Variants in C12orf54 observed in about 807,000 individuals in gnomAD.
C12orf54 encodes the protein chromosome 12 open reading frame 54.
C12orf54 carries 24 observed loss-of-function variants against 26.4 expected under a neutral mutation model. The observed-to-expected ratio is 0.91, with a 90% CI of 0.66 to 1.28. The LOEUF (loss-of-function observed/expected upper bound fraction) is 1.28. C12orf54 is among the 50% of genes most tolerant of loss of function. The pLI is 0.00. For synonymous variants in C12orf54, 54 were observed against 47.0 expected (o/e 1.15, Z -0.61); for missense variants, 154 against 150.9 (o/e 1.02, Z -0.11).
At chr12:48,477,424 C>T in the C12orf54 span, among the ~76,000 whole-genome samples, 2 of 152,072 alleles carry the variant, frequency 1.3e-5, no homozygotes, top group African/African-American at 4.8e-5. Flanking sequence ...AATAGAGACA[C>T]AAAAAACCCT....
chr12:48,454,936 G>A, the C12orf54 span, among the ~76,000 whole-genome samples: 1 of 152,090 alleles, frequency 6.6e-6, no homozygotes, highest in Non-Finnish European at 1.5e-5. Context: ...CAAATCATAG[G>A]GGCTTCCTTT....
At chr12:48,422,994 G>A in the C12orf54 span, among the ~76,000 whole-genome samples, 4 of 152,106 alleles carry the variant, frequency 2.6e-5, no homozygotes, top group African/African-American at 9.7e-5. Flanking sequence ...AGACAGCATT[G>A]CCAAACTATG....
chr12:48,477,509 TAAAG>T (rs1954155882), upstream of C12orf54, among the ~76,000 whole-genome samples: 1 of 151,850 alleles, frequency 6.6e-6, no homozygotes, highest in Non-Finnish European at 1.5e-5. Context: ...GCAAGACTAA[TAAAG>T]AAGAAAATAG....
intron 6 of C12orf54, among the ~76,000 whole-genome samples, chr12:48,492,013 G>A (rs1312211005): frequency 2.6e-5 from 4 of 152,136 alleles, no homozygotes; most frequent in African/African-American, 4.8e-5. Context: ...CAAAGAGAGA[G>A]CTTCCAAAGT....
chr12:48,425,140 G>T, the C12orf54 span, among the ~76,000 whole-genome samples: 3 of 151,872 alleles, frequency 2.0e-5, no homozygotes, highest in African/African-American at 7.3e-5. Context: ...TAGGTAAACT[G>T]GTGTCACAGG....
chr12:48,443,817 C>T, the C12orf54 span, among the ~76,000 whole-genome samples: 4 of 151,982 alleles, frequency 2.6e-5, no homozygotes, highest in African/African-American at 9.7e-5. Flanking sequence ...ACTGACTACA[C>T]CATTTTGGCC....
rs372646829 is a variant in C12orf54 at position 48,495,056 on chromosome 12, C to G, written c.*40+77C>G. 30 of 1,126,256 alleles carry G rather than the reference C, an allele frequency of 2.7e-5. No individual in the cohort carries two copies. The African/African-American group carries it at 3.7e-4, about 14-fold the overall frequency. 69.8% of individuals were successfully genotyped at this position (1,126,256 alleles called of 1,614,324 possible). On this transcript the variant is annotated intron_variant, in intron 8 of 8. Transcript: ENST00000548364. ...TAGTCAGGAACCCAGGCCTCTTAGG[C>G]CCTCATCCCAACATGGCAGGGCAGC...
At chr12:48,453,064 C>T in the C12orf54 span, among the ~76,000 whole-genome samples, 1 of 152,146 alleles carries the variant, frequency 6.6e-6, no homozygotes, top group East Asian at 1.9e-4. Flanking sequence ...GCACTATTCA[C>T]AATAGCAAAG....
chr12:48,485,847 C>T (rs530157355), intron 2 of C12orf54, among the ~76,000 whole-genome samples: 3 of 152,186 alleles, frequency 2.0e-5, no homozygotes, highest in South Asian at 2.1e-4. Flanking sequence ...ACAGGTTAGG[C>T]GGGGTGAAGG....
At chr12:48,451,203 C>A in the C12orf54 span, among the ~76,000 whole-genome samples, 1 of 151,764 alleles carries the variant, frequency 6.6e-6, no homozygotes, top group South Asian at 2.1e-4. Flanking sequence ...AAATGTGATT[C>A]ATCACATAAA....
intron 7 of C12orf54, 104 bp from the exon 8 acceptor site, chr12:48,494,694 G>T: frequency 2.4e-6 from 3 of 1,231,592 alleles, no homozygotes; most frequent in Non-Finnish European, 2.3e-6. Flanking sequence ...CATTCTTGGG[G>T]GAGTGTAATA....
chr12:48,486,714 C>G lies in C12orf54; in HGVS notation c.123C>G (p.Thr41=). 1 of 1,613,366 alleles carries G rather than the reference C, an allele frequency of 6.2e-7. No individual in the cohort carries two copies. The change falls in exon 4 of 9, where the codon ACC becomes ACG. Residue 41 remains threonine, a synonymous_variant. Coordinates refer to ENST00000548364, the MANE Select transcript of C12orf54 (RefSeq NM_152319.4). ...PQEKQVTITE[T]LWDQVLTVFK... is the part of the protein sequence containing the mutation. ...AAAAACAGGTAACCATCACTGAAAC[C>G]CTGTGGGACCAGGTGAGTACAGAGG...
chr12:48,445,891 A>G, the C12orf54 span, among the ~76,000 whole-genome samples: 1 of 152,196 alleles, frequency 6.6e-6, no homozygotes, highest in Non-Finnish European at 1.5e-5. Flanking sequence ...GGTAACACAA[A>G]TGGACACCAT....
At chr12:48,447,978 G>A in the C12orf54 span, among the ~76,000 whole-genome samples, 1 of 152,034 alleles carries the variant, frequency 6.6e-6, no homozygotes, top group Non-Finnish European at 1.5e-5. Flanking sequence ...GAAGTAATGT[G>A]GGCAGCCTCT....
intron 7 of C12orf54, 48 bp from the exon 8 acceptor site, chr12:48,494,750 G>A (rs755258575): frequency 6.3e-7 from 1 of 1,588,626 alleles, no homozygotes; most frequent in Non-Finnish European, 8.6e-7. Flanking sequence ...AACTGAAAGG[G>A]TAAGATCTCT....
chr12:48,469,660 G>A, the C12orf54 span, among the ~76,000 whole-genome samples: 5 of 152,126 alleles, frequency 3.3e-5, no homozygotes, highest in Non-Finnish European at 5.9e-5. Context: ...AGTATTGATT[G>A]GGGAAGTGAT....
the C12orf54 span, among the ~76,000 whole-genome samples, chr12:48,470,796 T>G: frequency 6.6e-6 from 1 of 152,082 alleles, no homozygotes. Flanking sequence ...TGTTTTCAAT[T>G]TTTATGTTTA....
chr12:48,491,953 C>T (rs1937799027), intron 6 of C12orf54, among the ~76,000 whole-genome samples: 1 of 152,106 alleles, frequency 6.6e-6, no homozygotes, highest in South Asian at 2.1e-4. Flanking sequence ...GGTGCCAAAG[C>T]TCTTGGCTCT....
intron 2 of C12orf54, among the ~76,000 whole-genome samples, chr12:48,483,832 G>T (rs1161441550): frequency 2.6e-5 from 4 of 152,170 alleles, no homozygotes; most frequent in Admixed American, 6.5e-5. Context: ...GGTCAGGAAA[G>T]CTTCATAAGG....
Sources: gnomAD v4.1 joint callset for allele counts (sites outside exome capture counted in the v4.1 genomes callset) on GRCh38, gnomAD v4.1.1 for gene constraint, MANE v1.5 for transcripts, NCBI Gene and HGNC (gene_info 2026-07-23, HGNC 2026-07-21) for gene names.